The following FAM107B variants were observed in gnomAD, a reference collection of about 807,000 sequenced individuals.
FAM107B encodes protein FAM107B.
In FAM107B, 21 loss-of-function variants were observed where a neutral mutation model predicts 31.5. The ratio of observed to expected loss-of-function variants is 0.67; its 90% CI spans 0.47 to 0.96. FAM107B has a LOEUF of 0.96. Ranked by LOEUF, FAM107B falls within the 40% of genes least tolerant of loss-of-function variation. The pLI is 0.00. For synonymous variants in FAM107B, 157 were observed against 141.5 expected, an observed-to-expected ratio of 1.11 and a Z score of -0.78; for missense variants, 452 against 377.1, an observed-to-expected ratio of 1.20 and a Z score of -1.64.
chr10:14,567,420 G>C (rs766962563), intron 2 of FAM107B, among the ~76,000 whole-genome samples: 5 of 152,134 alleles, frequency 3.3e-5, no homozygotes, highest in Non-Finnish European at 5.9e-5. Flanking sequence ...TATGAACCTA[G>C]AGATTTAAGA....
intron 2 of FAM107B, among the ~76,000 whole-genome samples, chr10:14,535,288 C>T (rs1847492115): frequency 6.6e-6 from 1 of 152,182 alleles, no homozygotes; most frequent in Non-Finnish European, 1.5e-5. Context: ...ACCCCCAGCT[C>T]TCCTATGTGT....
chr10:14,677,705 G>A (rs557246375), intron 1 of FAM107B, among the ~76,000 whole-genome samples: 1 of 152,238 alleles, frequency 6.6e-6, no homozygotes, highest in Non-Finnish European at 1.5e-5. Flanking sequence ...GGGTTGGTCA[G>A]TGACTAACCA....
chr10:14,624,590 C>T (rs991403953), intron 2 of FAM107B, among the ~76,000 whole-genome samples: 1 of 151,868 alleles, frequency 6.6e-6, no homozygotes, highest in Non-Finnish European at 1.5e-5. Context: ...ATACAGAGAT[C>T]CTGCCGGTGC....
At chr10:14,677,094 C>T (rs1854701573) in intron 1 of FAM107B, among the ~76,000 whole-genome samples, 1 of 152,176 alleles carries the variant, frequency 6.6e-6, no homozygotes, top group Non-Finnish European at 1.5e-5. Flanking sequence ...GCCCCTTTCC[C>T]TCCTCTTTCT....
At chr10:14,621,306 C>T (rs1853004861) in intron 2 of FAM107B, among the ~76,000 whole-genome samples, 1 of 152,146 alleles carries the variant, frequency 6.6e-6, no homozygotes, top group African/African-American at 2.4e-5. Context: ...AGACTCCTTT[C>T]TTACTTTTTC....
intron 2 of FAM107B, among the ~76,000 whole-genome samples, chr10:14,538,406 A>G (rs1242608940): frequency 1.3e-5 from 2 of 152,240 alleles, no homozygotes; most frequent in African/African-American, 4.8e-5. Flanking sequence ...CAATTCTGCA[A>G]GCAAAGCACA....
At chr10:14,537,624 G>C (rs1847759053) in intron 2 of FAM107B, among the ~76,000 whole-genome samples, 1 of 152,062 alleles carries the variant, frequency 6.6e-6, no homozygotes, top group African/African-American at 2.4e-5. Flanking sequence ...CGGATCATGA[G>C]GTCCAGAGAT....
intron 2 of FAM107B, among the ~76,000 whole-genome samples, chr10:14,622,580 C>T (rs138673532): frequency 4.6e-4 from 70 of 152,298 alleles, no homozygotes; most frequent in African/African-American, 1.5e-3. Flanking sequence ...GCTGGGATTA[C>T]AGGCATGAGA....
chr10:14,650,567 T>C (rs569227835), intron 2 of FAM107B, among the ~76,000 whole-genome samples: 1 of 152,348 alleles, frequency 6.6e-6, no homozygotes, highest in African/African-American at 2.4e-5. Context: ...ATTACAGGCA[T>C]GAGCCACCGC....
chr10:14,741,949 C>T (rs1247956754), intron 1 of FAM107B, among the ~76,000 whole-genome samples: 1 of 151,948 alleles, frequency 6.6e-6, no homozygotes, highest in Non-Finnish European at 1.5e-5. Context: ...CTCCTGACCT[C>T]GTGATCCACC....
chr10:14,576,637 T>A (rs534850379), intron 2 of FAM107B, among the ~76,000 whole-genome samples: 1 of 152,332 alleles, frequency 6.6e-6, no homozygotes, highest in South Asian at 2.1e-4. Context: ...TTAGTAAAAC[T>A]GGCACAATTG....
chr10:14,723,836 C>A (rs1222476346), intron 1 of FAM107B: 17 of 756,388 alleles, frequency 2.2e-5, no homozygotes, highest in Non-Finnish European at 4.1e-5. Context: ...ATGACACTGA[C>A]ATCAGCAGGG....
intron 2 of FAM107B, among the ~76,000 whole-genome samples, chr10:14,584,645 C>T (rs1174360265): frequency 1.3e-5 from 2 of 152,172 alleles, no homozygotes; most frequent in South Asian, 2.1e-4. Context: ...AAGATACGGA[C>T]CCTGTGAGGC....
chr10:14,603,187 C>A (rs1852460909), intron 2 of FAM107B, among the ~76,000 whole-genome samples: 1 of 151,862 alleles, frequency 6.6e-6, no homozygotes, highest in African/African-American at 2.4e-5. Flanking sequence ...AACCGGAAAC[C>A]AGCAGCGCTA....
chr10:14,537,688 A>G (rs768850734), intron 2 of FAM107B, among the ~76,000 whole-genome samples: 1 of 151,890 alleles, frequency 6.6e-6, no homozygotes, highest in Non-Finnish European at 1.5e-5. Flanking sequence ...AAATACAAAA[A>G]GTTGGGTGTG....
At position 14,591,974 on chromosome 10, in the gene FAM107B, A is replaced by G. The variant is rs560649285; in HGVS notation, c.470-61459T>C. Among the ~76,000 whole-genome samples the G allele has an allele frequency of 3.9e-5, 6 of 152,344 alleles. No homozygotes were observed. The South Asian group carries it at 1.2e-3, about 32-fold the overall frequency. ...GGGGTGGGGGTAAAGGAACTGTTCT[A>G]TATGTATACAGCTTTAAAAGGCATA... On this transcript the variant is annotated intron_variant, in intron 2 of 4. Coordinates refer to ENST00000181796, the MANE Select transcript of FAM107B (RefSeq NM_031453.4).
intron 2 of FAM107B, among the ~76,000 whole-genome samples, chr10:14,545,742 T>C (rs1374405661): frequency 2.6e-5 from 4 of 152,248 alleles, no homozygotes; most frequent in Admixed American, 6.5e-5. Flanking sequence ...TATTATGTTA[T>C]AGTCACAAAA....
chr10:14,641,742 T>A (rs981840315), intron 2 of FAM107B, among the ~76,000 whole-genome samples: 1 of 152,160 alleles, frequency 6.6e-6, no homozygotes, highest in Admixed American at 6.5e-5. Context: ...CCAAATACCA[T>A]CACATTGAGG....
intron 2 of FAM107B, among the ~76,000 whole-genome samples, chr10:14,622,314 T>A (rs529914560): frequency 2.1e-4 from 31 of 150,898 alleles, no homozygotes; most frequent in Non-Finnish European, 3.0e-4. Context: ...AGAGATTTTT[T>A]TTTTTTTTTT....
Sources: allele counts gnomAD v4.1 joint callset (sites outside exome capture counted in the v4.1 genomes callset), GRCh38; gene constraint gnomAD v4.1.1; transcripts MANE v1.5; gene names NCBI Gene and HGNC (gene_info 2026-07-23, HGNC 2026-07-21).